Variants in ADGRL3 observed in about 807,000 individuals in gnomAD.
ADGRL3 encodes the protein calcium-independent alpha-latrotoxin receptor 3.
Under a neutral mutation model 153.5 loss-of-function variants are expected in ADGRL3, and 62 were observed. The observed-to-expected ratio is 0.40, with a 90% CI of 0.33 to 0.50. The LOEUF (loss-of-function observed/expected upper bound fraction) is 0.50. Among genes scored for constraint, ADGRL3 ranks in the 20% least tolerant of loss-of-function variants. The pLI is 0.47. For synonymous variants in ADGRL3, 710 were observed against 672.5 expected, an observed-to-expected ratio of 1.06 and a Z score of -0.86; for missense variants, 1,641 against 1,859.4, an observed-to-expected ratio of 0.88 and a Z score of 2.16.
At chr4:61,354,570 TTGTC>T (rs970821399) in intron 1 of ADGRL3, among the ~76,000 whole-genome samples, 1 of 93,066 alleles carries the variant, frequency 1.1e-5, no homozygotes, top group African/African-American at 3.5e-5. Context: ...TGATAAGACT[TTGTC>T]TGTGTGTGTG....
At chr4:61,953,418 A>G (rs1264607821) in intron 17 of ADGRL3, among the ~76,000 whole-genome samples, 2 of 152,168 alleles carry the variant, frequency 1.3e-5, no homozygotes, top group African/African-American at 4.8e-5. Flanking sequence ...TATTTGTCAT[A>G]TGTGTTCAGT....
intron 9 of ADGRL3, among the ~76,000 whole-genome samples, chr4:61,832,953 T>G (rs1234213722): frequency 6.6e-6 from 1 of 151,984 alleles, no homozygotes; most frequent in African/African-American, 2.4e-5. Flanking sequence ...TTTTCTCTTC[T>G]TTCTGACCAT....
chr4:61,621,628 A>T (rs1450966095), intron 5 of ADGRL3, among the ~76,000 whole-genome samples: 1 of 152,138 alleles, frequency 6.6e-6, no homozygotes, highest in African/African-American at 2.4e-5. Context: ...AAATCTTTGT[A>T]AATAACTGTT....
chr4:61,400,705 A>G (rs1426237450), intron 2 of ADGRL3, among the ~76,000 whole-genome samples: 4 of 151,648 alleles, frequency 2.6e-5, no homozygotes, highest in Non-Finnish European at 5.9e-5. Context: ...TATGGTTTCC[A>G]TGGTAACCAC....
At chr4:62,017,590 T>G (rs2099218483) in intron 21 of ADGRL3, among the ~76,000 whole-genome samples, 1 of 152,134 alleles carries the variant, frequency 6.6e-6, no homozygotes, top group African/African-American at 2.4e-5. Context: ...TTAACTAAGT[T>G]CTGAAGTGAA....
At chr4:61,955,964 C>G (rs1268353531) in intron 17 of ADGRL3, among the ~76,000 whole-genome samples, 10 of 152,100 alleles carry the variant, frequency 6.6e-5, no homozygotes, top group Non-Finnish European at 1.5e-4. Context: ...GGTTCCATGA[C>G]TTTGCTATTG....
chr4:62,072,226 A>T lies in ADGRL3; in HGVS notation c.*1318A>T, dbSNP rs2151941017. On this transcript the variant is annotated 3_prime_UTR_variant, in exon 27 of 27. Coordinates refer to ENST00000683033, the MANE Select transcript of ADGRL3 (RefSeq NM_001387552.1). ...AAATTATTTTGAAGTGATTTTTTTAAAAAAAAGTCTTCTGTTTATTAACAG... is the reference window on the plus strand; with the variant it reads ...AAATTATTTTGAAGTGATTTTTTTATAAAAAAGTCTTCTGTTTATTAACAG... 6.6e-6 allele frequency: 1 copy of T among 152,644 alleles called. No homozygotes were observed. The highest frequency in any genetic ancestry group is 2.4e-5 in the African/African-American group (1 of 41,528). 9.5% of individuals were successfully genotyped at this position (152,644 alleles called of 1,614,324 possible).
At chr4:61,706,133 C>T (rs2095853417) in intron 6 of ADGRL3, among the ~76,000 whole-genome samples, 1 of 152,042 alleles carries the variant, frequency 6.6e-6, no homozygotes, top group South Asian at 2.1e-4. Context: ...CAATAAAAGG[C>T]TGTTCTGGCC....
intron 2 of ADGRL3, among the ~76,000 whole-genome samples, chr4:61,477,920 C>CA (rs1211233977): frequency 6.6e-6 from 1 of 151,544 alleles, no homozygotes; most frequent in Non-Finnish European, 1.5e-5. Flanking sequence ...TTCTCATCTT[C>CA]AAAAAAAGGC....
At chr4:61,347,235 C>T (rs1034292267) in intron 1 of ADGRL3, among the ~76,000 whole-genome samples, 3 of 151,714 alleles carry the variant, frequency 2.0e-5, no homozygotes, top group African/African-American at 7.3e-5. Flanking sequence ...AAATTTCTGG[C>T]TTTAGGAAAA....
Position 61,733,534 on chromosome 4 carries a change from G to C in ADGRL3, c.1379G>C (p.Gly460Ala). The change falls in exon 8 of 27, where the codon GGA becomes GCA. Residue 460 changes from glycine (G) to alanine (A), a missense_variant. Gly to Ala is a moderately conservative substitution (Grantham distance 60). Around this residue, in one of 5 missense-constraint regions of ADGRL3, gnomAD observed 734 missense variants for 797.0 expected, o/e 0.92. Transcript: ENST00000683033. ...GTCGTGAAATATTCTTTGGATTTTGGACCTCTGGATAGTAGATCAGGTAAG... is the reference window on the plus strand; with the variant it reads ...GTCGTGAAATATTCTTTGGATTTTGCACCTCTGGATAGTAGATCAGGTAAG... ...YHVVKYSLDF[G>A]PLDSRSGQAH... 1 of 1,612,690 alleles carries C rather than the reference G, an allele frequency of 6.2e-7. No individual in the cohort carries two copies. The highest frequency in any genetic ancestry group is 8.5e-7 in the Non-Finnish European group (1 of 1,179,202).
intron 2 of ADGRL3, among the ~76,000 whole-genome samples, chr4:61,486,526 C>T (rs1442719475): frequency 1.3e-5 from 2 of 152,068 alleles, no homozygotes; most frequent in Admixed American, 6.5e-5. Context: ...TAGAAACATT[C>T]GAGGATACGT....
intron 6 of ADGRL3, among the ~76,000 whole-genome samples, chr4:61,711,491 T>TATATATATATATATACAC (rs757078842): frequency 2.2e-5 from 2 of 89,210 alleles, no homozygotes; most frequent in African/African-American, 8.0e-5. Context: ...TATATATATA[T>TATATATATATATATACAC]ACACACACAC....
At chr4:61,569,752 T>C (rs747390624) in intron 4 of ADGRL3, among the ~76,000 whole-genome samples, 2 of 152,196 alleles carry the variant, frequency 1.3e-5, no homozygotes, top group South Asian at 2.1e-4. Context: ...CATATATCTG[T>C]ACTTCAATCC....
intron 9 of ADGRL3, among the ~76,000 whole-genome samples, chr4:61,827,311 A>G (rs530251472): frequency 6.6e-6 from 1 of 152,184 alleles, no homozygotes; most frequent in African/African-American, 2.4e-5. Flanking sequence ...GTGATTGTGA[A>G]TCTGTTAATC....
chr4:61,888,066 A>T (rs901663054), intron 9 of ADGRL3, among the ~76,000 whole-genome samples: 1 of 152,216 alleles, frequency 6.6e-6, no homozygotes, highest in East Asian at 1.9e-4. Context: ...AAAGGACAGG[A>T]GAATTAAAAT....
intron 3 of ADGRL3, among the ~76,000 whole-genome samples, 190 bp downstream of exon 3, chr4:61,497,538 C>CA (rs2098333556): frequency 9.3e-6 from 1 of 107,054 alleles, no homozygotes; most frequent in Admixed American, 1.2e-4. Flanking sequence ...TTTTTTCAGT[C>CA]AGAGCCTCGC....
At chr4:62,046,842 T>C (rs1050777287) in intron 25 of ADGRL3, among the ~76,000 whole-genome samples, 1 of 151,938 alleles carries the variant, frequency 6.6e-6, no homozygotes, top group Non-Finnish European at 1.5e-5. Context: ...TTTTTTATCT[T>C]AGATGAGTGG....
At chr4:61,461,600 A>G (rs2097820025) in intron 2 of ADGRL3, among the ~76,000 whole-genome samples, 1 of 152,210 alleles carries the variant, frequency 6.6e-6, no homozygotes, top group African/African-American at 2.4e-5. Flanking sequence ...TTTCTCAAAA[A>G]CAATGTGTAT....
Sources: gnomAD v4.1 joint callset for allele counts (sites outside exome capture counted in the v4.1 genomes callset) on GRCh38, gnomAD v4.1.1 for gene constraint, gnomAD v4.1.1 regional missense constraint, MANE v1.5 for transcripts, NCBI Gene and HGNC (gene_info 2026-07-23, HGNC 2026-07-21) for gene names.